The following PCDH11Y variants were observed in gnomAD, a reference collection of about 807,000 sequenced individuals.
PCDH11Y encodes protocadherin-11 Y-linked.
For synonymous variants in PCDH11Y, 9 were observed against 83.6 expected (o/e 0.11, Z 4.87); for missense variants, 12 against 224.8 (o/e 0.05, Z 6.05).
chrY:5,565,648 A>G (rs2124695703), intron 3 of PCDH11Y, among the ~76,000 whole-genome samples: 1 of 30,236 alleles, frequency 3.3e-5, no homozygotes, highest in South Asian at 7.4e-4. Context: ...TATCAAAACC[A>G]AATATTTATC....
At chrY:5,045,463 G>T in intron 3 of PCDH11Y, among the ~76,000 whole-genome samples, 1 of 32,907 alleles carries the variant, frequency 3.0e-5, no homozygotes, top group Non-Finnish European at 7.4e-5. Flanking sequence ...GGCTTGTAGG[G>T]TTTCTGCCGC....
chrY:5,452,863 C>T, intron 2 of PCDH11Y, among the ~76,000 whole-genome samples: 2 of 33,128 alleles, frequency 6.0e-5, no homozygotes, highest in Non-Finnish European at 1.5e-4. Flanking sequence ...AATTACTCTG[C>T]GTAAGTGGCT....
In PCDH11Y at chrY:5,373,126, C is replaced by CTTTCTTT. The variant is rs1169548378; in HGVS notation, c.3130-127931_3130-127930insTTTCTTT. Among the ~76,000 whole-genome samples, 3 of 860 alleles carry CTTTCTTT rather than the reference C, an allele frequency of 3.5e-3. No homozygotes were observed. The East Asian group carries it at 0.75, about 215-fold the overall frequency. 2.3% of individuals were successfully genotyped at this position (860 alleles called of 37,273 possible). On this transcript the variant is annotated intron_variant, in intron 2 of 4. Coordinates refer to the PCDH11Y transcript ENST00000400457. ...TCCCTCCCTCCCTCCCTCCCTCCCT[C>CTTTCTTT]CTTTCTTTCTTTCTTTCTTTCTTTC...
intron 4 of PCDH11Y, among the ~76,000 whole-genome samples, chrY:5,654,272 A>C: frequency 3.0e-5 from 1 of 33,439 alleles, no homozygotes; most frequent in African/African-American, 1.2e-4. Flanking sequence ...ACACTAATAC[A>C]CTGTTGGTTG....
At chrY:5,551,393 G>A (rs1602942119) in intron 3 of PCDH11Y, among the ~76,000 whole-genome samples, 1 of 32,890 alleles carries the variant, frequency 3.0e-5, no homozygotes, top group Non-Finnish European at 7.6e-5. Context: ...GCATAAACAC[G>A]TATTTTAGTA....
At chrY:5,317,508 A>G (rs2124665362) in intron 2 of PCDH11Y, among the ~76,000 whole-genome samples, 1 of 32,800 alleles carries the variant, frequency 3.0e-5, no homozygotes, top group South Asian at 6.9e-4. Context: ...GTTTACCACC[A>G]TCCTCCTTAA....
At chrY:5,295,763 T>A in intron 2 of PCDH11Y, among the ~76,000 whole-genome samples, 2 of 33,427 alleles carry the variant, frequency 6.0e-5, no homozygotes, top group African/African-American at 2.3e-4. Context: ...TTCTTTTTTC[T>A]TTTGTCTCCT....
At chrY:5,521,683 G>A (rs1170686451) in intron 3 of PCDH11Y, among the ~76,000 whole-genome samples, 692 of 28,035 alleles carry the variant, frequency 0.025, no homozygotes, top group Middle Eastern at 0.1. Flanking sequence ...TTTCGTAAAA[G>A]CAGTTTGTCA....
intron 2 of PCDH11Y, among the ~76,000 whole-genome samples, chrY:5,255,294 A>AC (rs2053009150): frequency 8.3e-4 from 27 of 32,578 alleles, no homozygotes; most frequent in African/African-American, 2.9e-3. Context: ...AGAAGTGAAA[A>AC]CATGAAAAGT....
At chrY:5,128,707 A>G in intron 2 of PCDH11Y, among the ~76,000 whole-genome samples, 1 of 33,471 alleles carries the variant, frequency 3.0e-5, no homozygotes, top group African/African-American at 1.2e-4. Flanking sequence ...CCATTAATTG[A>G]CTGCTTATCT....
chrY:5,397,290 G>A (rs1602919173), intron 2 of PCDH11Y, among the ~76,000 whole-genome samples: 2 of 30,722 alleles, frequency 6.5e-5, no homozygotes, highest in Middle Eastern at 0.03. Flanking sequence ...AAGTAGAATT[G>A]TATTCTTAAA....
In PCDH11Y at chrY:5,223,397, G is replaced by T. The variant is rs2124652765; in HGVS notation, c.3129+122690G>T. Among the ~76,000 whole-genome samples the T allele has an allele frequency of 3.3e-4, 11 of 33,243 alleles. No individual in the cohort carries two copies. The South Asian group carries it at 7.4e-3, about 22-fold the overall frequency. The allele number at this position is 33,243 out of a possible 37,273, so 89.2% of individuals were successfully genotyped here. ...TGCCGAATACAGTAGTAAGCATTCA[G>T]TACATATTCAGTAAATAATCTATTT... On this transcript the variant is annotated intron_variant, in intron 2 of 4. Transcript: ENST00000400457.
intron 3 of PCDH11Y, among the ~76,000 whole-genome samples, chrY:5,574,718 A>T: frequency 2.1e-4 from 7 of 32,975 alleles, no homozygotes; most frequent in Admixed American, 2.7e-4. Flanking sequence ...AAAGACCCAG[A>T]ATAACCAAAG....
At chrY:5,322,285 G>C in intron 2 of PCDH11Y, among the ~76,000 whole-genome samples, 2 of 31,699 alleles carry the variant, frequency 6.3e-5, no homozygotes, top group African/African-American at 1.2e-4. Context: ...TTTATATTCA[G>C]TCCTCCCTTG....
At chrY:5,046,728 G>A in intron 3 of PCDH11Y, among the ~76,000 whole-genome samples, 4 of 33,346 alleles carry the variant, frequency 1.2e-4, no homozygotes. Context: ...CCGCCTTGCA[G>A]TTTGATCTCA....
At chrY:5,412,341 A>G (rs1602921843) in intron 2 of PCDH11Y, among the ~76,000 whole-genome samples, 2 of 33,224 alleles carry the variant, frequency 6.0e-5, no homozygotes, top group East Asian at 8.0e-4. Context: ...GACAGACACT[A>G]TGGAGTTTTA....
intron 2 of PCDH11Y, among the ~76,000 whole-genome samples, chrY:5,147,546 C>G: frequency 3.2e-5 from 1 of 31,032 alleles, no homozygotes. Context: ...TTGAAATTAT[C>G]AAAAAAACTC....
intron 2 of PCDH11Y, among the ~76,000 whole-genome samples, chrY:5,391,764 C>T (rs9786260): frequency 0.15 from 4,688 of 32,085 alleles, no homozygotes; most frequent in African/African-American, 0.57. Context: ...GGCAAAAAGG[C>T]AATTAGTTGG....
intron 4 of PCDH11Y, among the ~76,000 whole-genome samples, chrY:5,697,609 T>C: frequency 6.8e-5 from 2 of 29,626 alleles, no homozygotes; most frequent in Non-Finnish European, 1.6e-4. Context: ...TTTGTTTAAA[T>C]AATCTTTTTT....
Sources: gnomAD v4.1 joint callset for allele counts (sites outside exome capture counted in the v4.1 genomes callset) on GRCh38, gnomAD v4.1.1 for gene constraint, MANE v1.5 for transcripts, NCBI Gene and HGNC (gene_info 2026-07-23, HGNC 2026-07-21) for gene names.